The following RNASET2 variants were observed in gnomAD, a reference collection of about 807,000 sequenced individuals.
RNASET2 encodes the protein ribonuclease T2.
A neutral mutation model predicts 33.9 loss-of-function variants in RNASET2; 28 were observed. The ratio of observed to expected loss-of-function variants is 0.83; its 90% CI spans 0.61 to 1.13. The LOEUF (loss-of-function observed/expected upper bound fraction) is 1.13. RNASET2 is among the 50% of genes most tolerant of loss of function. RNASET2 has a pLI of 0.00. For missense variants in RNASET2, 330 were observed against 319.9 expected (o/e 1.03, Z -0.24); for synonymous variants, 123 against 121.0 (o/e 1.02, Z -0.11).
Position 166,924,930 on chromosome 6 carries a change from A to C in RNASET2, c.*4658T>G, listed in dbSNP as rs535311966. 1.3e-5 allele frequency among the ~76,000 whole-genome samples: 2 copies of C among 152,138 alleles called. No homozygotes were observed. The highest frequency in any genetic ancestry group is 4.8e-5 in the African/African-American group (2 of 41,432). ...ATAGGAAGGGTTGAAAAAAGTGTGG[A>C]ATGAATCAATAAACAGCTCTTGATT... On this transcript the variant is annotated 3_prime_UTR_variant, in exon 9 of 9. Transcript: ENST00000508775.
intron 1 of RNASET2, chr6:166,955,553 AGAGAACTTC>A: frequency 2.0e-6 from 2 of 986,940 alleles, no homozygotes; most frequent in Non-Finnish European, 2.4e-6. Context: ...TCGACCTCTG[AGAGAACTTC>A]GAGTGCAGGA....
rs1778496543 is a variant in RNASET2, at chr6:166,933,524, C to G, written c.492+567G>C. 6.2e-6 allele frequency: 1 copy of G among 160,102 alleles called. No homozygotes were observed. Among genetic ancestry groups the G allele is most frequent in the Non-Finnish European group, 1.4e-5 (1 of 73,240 alleles). 9.9% of individuals were successfully genotyped at this position (160,102 alleles called of 1,614,324 possible). A position where few individuals can be genotyped will look rare whatever the true frequency, so the allele number is the denominator to read the frequency against. Reference sequence around the variant, plus strand: ...AGACACATACTATCATGCTCAGCTACTTTTACTTCTTTCTAGAGGTCTCAC... The same window carrying G: ...AGACACATACTATCATGCTCAGCTAGTTTTACTTCTTTCTAGAGGTCTCAC... On this transcript the variant is annotated intron_variant, in intron 7 of 8. Coordinates refer to ENST00000508775, the MANE Select transcript of RNASET2 (RefSeq NM_003730.6). This position sits in a 1 kb window ranked among gnomAD's most constrained non-coding sequence, Gnocchi z 4.1.
At position 166,934,079 on chromosome 6, in the gene RNASET2, A is replaced by G; in HGVS notation, c.492+12T>C. The stretch of plus-strand genomic sequence containing the variant: ...AGAGACACACGAGAAAAGAAGCAAA[A>G]GCAAGACTTACTTGGTAGTAATTGA... On this transcript the variant is annotated intron_variant, in intron 7 of 8. Coordinates refer to ENST00000508775, the MANE Select transcript of RNASET2 (RefSeq NM_003730.6). 4 of 1,605,494 alleles carry G rather than the reference A, an allele frequency of 2.5e-6. No homozygotes were observed. The highest frequency in any genetic ancestry group is 3.4e-6 in the Non-Finnish European group (4 of 1,172,192).
At chr6:166,930,727 AC>A (rs1318577931) in intron 8 of RNASET2, among the ~76,000 whole-genome samples, 2 of 150,994 alleles carry the variant, frequency 1.3e-5, no homozygotes, top group African/African-American at 4.9e-5. Context: ...CACACACAGC[AC>A]ATGCCCACAT....
At chr6:166,936,847 G>C (rs1008974374) in intron 6 of RNASET2, among the ~76,000 whole-genome samples, 2 of 152,212 alleles carry the variant, frequency 1.3e-5, no homozygotes, top group Admixed American at 1.3e-4. Context: ...CTATTTGTTG[G>C]ATACAGAGAT....
At chr6:166,951,166 G>A (rs554245145) in intron 2 of RNASET2, among the ~76,000 whole-genome samples, 59 of 152,158 alleles carry the variant, frequency 3.9e-4, no homozygotes, top group African/African-American at 1.3e-3. Context: ...GTATGGCAGC[G>A]GAGGCGGAGA....
intron 8 of RNASET2, 52 bp from the exon 9 acceptor site, chr6:166,929,843 C>T (rs746182595): frequency 6.5e-7 from 1 of 1,531,660 alleles, no homozygotes; most frequent in South Asian, 1.1e-5. Flanking sequence ...GGATTATCAT[C>T]AAGGTCTTAA....
At chr6:166,955,317 G>GCA (rs1241137068) in intron 1 of RNASET2, among the ~76,000 whole-genome samples, 3 of 46,640 alleles carry the variant, frequency 6.4e-5, no homozygotes, top group Non-Finnish European at 1.1e-4. Context: ...CGACACACAC[G>GCA]CACACACACG....
chr6:166,929,368 C>G lies in RNASET2; in HGVS notation c.*220G>C. 1 of 610,598 alleles carries G rather than the reference C, an allele frequency of 1.6e-6. No homozygotes were observed. Among genetic ancestry groups the G allele is most frequent in the South Asian group, 1.9e-5 (1 of 51,880 alleles). The allele number at this position is 610,598 out of a possible 1,614,324, so 37.8% of individuals were successfully genotyped here. A position where few individuals can be genotyped will look rare whatever the true frequency, so the allele number is the denominator to read the frequency against. ...GAGAAAAAAAAAAACAATCTGTGAG[C>G]TTTATCCCAAGCACAAAACAGCCAC... On this transcript the variant is annotated 3_prime_UTR_variant, in exon 9 of 9. Coordinates refer to ENST00000508775, the MANE Select transcript of RNASET2 (RefSeq NM_003730.6).
intron 1 of RNASET2, among the ~76,000 whole-genome samples, chr6:166,955,002 A>C (rs917620226): frequency 1.3e-5 from 2 of 149,722 alleles, no homozygotes; most frequent in African/African-American, 5.1e-5. Context: ...AAAAATAAAT[A>C]AGTAAAACCC....
intron 8 of RNASET2, among the ~76,000 whole-genome samples, chr6:166,930,805 TAC>T (rs74719029): frequency 0.092 from 13,006 of 142,056 alleles, 643 homozygotes; most frequent in Middle Eastern, 0.19. Context: ...CACATGCATG[TAC>T]ACACACATGC....
At chr6:166,939,233 C>T (rs1460064825) in intron 5 of RNASET2, among the ~76,000 whole-genome samples, 1 of 152,098 alleles carries the variant, frequency 6.6e-6, no homozygotes, top group Admixed American at 6.6e-5. Context: ...ACTCAGGAGG[C>T]TGAGGAGGAG....
chr6:166,935,702 G>A lies in RNASET2; in HGVS notation c.447-1566C>T, dbSNP rs1778549894. ...TATTCTATTTTATTTTTTTGACACA[G>A]AGTCTTGCTCTGTGGCCCAGGCTGG... On this transcript the variant is annotated intron_variant, in intron 6 of 8. Coordinates refer to ENST00000508775, the MANE Select transcript of RNASET2 (RefSeq NM_003730.6). 1.3e-5 allele frequency among the ~76,000 whole-genome samples: 2 copies of A among 152,174 alleles called. 1 individual carries two copies. The highest frequency in any genetic ancestry group is 4.1e-4 in the South Asian group (2 of 4,834).
chr6:166,949,226 G>A (rs1778923115), intron 2 of RNASET2, among the ~76,000 whole-genome samples: 2 of 139,256 alleles, frequency 1.4e-5, no homozygotes, highest in Admixed American at 1.6e-4. Flanking sequence ...AAAAAAGGCT[G>A]GGCACAGTGG....
chr6:166,930,593 C>T (rs1297232338), intron 8 of RNASET2, among the ~76,000 whole-genome samples: 1 of 151,136 alleles, frequency 6.6e-6, no homozygotes, highest in Non-Finnish European at 1.5e-5. Context: ...ACACACAGCA[C>T]ATGCACACAT....
chr6:166,945,273 C>G (rs1778805535), intron 4 of RNASET2: 1 of 157,398 alleles, frequency 6.4e-6, no homozygotes, highest in African/African-American at 2.4e-5. Context: ...TTTCCTCTGA[C>G]CCTGAAGATC....
At chr6:166,935,573 C>G (rs1347355395) in intron 6 of RNASET2, among the ~76,000 whole-genome samples, 1 of 152,248 alleles carries the variant, frequency 6.6e-6, no homozygotes, top group East Asian at 1.9e-4. Flanking sequence ...ATCAGCTCAT[C>G]TGTGTCTATG....
chr6:166,934,441 G>A (rs1778519886), intron 6 of RNASET2: 2 of 356,184 alleles, frequency 5.6e-6, no homozygotes, highest in South Asian at 3.3e-5. Context: ...ATCACCACCC[G>A]TTTGCCACAC....
chr6:166,942,715 T>G (rs1778720847), intron 5 of RNASET2, among the ~76,000 whole-genome samples: 1 of 152,170 alleles, frequency 6.6e-6, no homozygotes, highest in Admixed American at 6.5e-5. Context: ...GTGCTAGGAT[T>G]ACAGGCACGA....
Sources: allele counts gnomAD v4.1 joint callset (sites outside exome capture counted in the v4.1 genomes callset), GRCh38; gene constraint gnomAD v4.1.1; non-coding constraint Gnocchi (gnomAD v3.1); transcripts MANE v1.5; gene names NCBI Gene and HGNC (gene_info 2026-07-23, HGNC 2026-07-21).